Variants in URB2 observed in about 807,000 individuals in gnomAD.
URB2 encodes unhealthy ribosome biogenesis protein 2 homolog.
Under a neutral mutation model 120.9 loss-of-function variants are expected in URB2, and 86 were observed. That is an observed-to-expected ratio of 0.71 (90% CI 0.60 to 0.85). The LOEUF (loss-of-function observed/expected upper bound fraction) is 0.85. URB2 is among the 40% of genes least tolerant of loss of function. URB2 has a pLI of 0.00. For missense variants in URB2, 1,765 were observed against 1,836.5 expected (o/e 0.96, Z 0.71); for synonymous variants, 755 against 758.4 (o/e 1.00, Z 0.07).
intron 2 of URB2, among the ~76,000 whole-genome samples, chr1:229,629,781 C>T (rs1665615247): frequency 6.6e-6 from 1 of 152,190 alleles, no homozygotes; most frequent in Non-Finnish European, 1.5e-5. Flanking sequence ...AAAGACACAG[C>T]ATTTTACCCA....
At position 229,645,869 on chromosome 1, in the gene URB2, C is replaced by T; in HGVS notation, c.3806C>T (p.Ser1269Leu). Residue 1269 changes from serine (S) to leucine (L), a missense_variant, in exon 6 of 10, where the codon TCA becomes TTA. By Grantham distance (145) the Ser-to-Leu change is moderately radical (BLOSUM62 -2). Coordinates refer to ENST00000258243, the MANE Select transcript of URB2 (RefSeq NM_014777.4). ...TCTCTCTTGCCCCAGGCTGTTGTGT[C>T]AGCTGTTACACTGCTGAGGCTGCTA... Reference protein sequence around the residue: ...MWKADVQAVVSAVTLLRLLLN... With the variant: ...MWKADVQAVVLAVTLLRLLLN... The T allele has an allele frequency of 6.2e-7, 1 of 1,614,116 alleles. No individual in the cohort carries two copies. Among genetic ancestry groups the T allele is most frequent in the Non-Finnish European group, 8.5e-7 (1 of 1,180,006 alleles).
intron 2 of URB2, among the ~76,000 whole-genome samples, chr1:229,630,813 C>T (rs1490882528): frequency 6.6e-6 from 1 of 151,622 alleles, no homozygotes; most frequent in Non-Finnish European, 1.5e-5. Context: ...CATGGCGAAA[C>T]CCCTAAAAAT....
At chr1:229,656,480 G>T (rs992566225) in intron 9 of URB2, among the ~76,000 whole-genome samples, 3 of 152,178 alleles carry the variant, frequency 2.0e-5, no homozygotes, top group Admixed American at 6.5e-5. Flanking sequence ...AGAATCCACT[G>T]GCACCACAGT....
At chr1:229,639,895 T>G (rs1665959646) in intron 4 of URB2, among the ~76,000 whole-genome samples, 1 of 152,086 alleles carries the variant, frequency 6.6e-6, no homozygotes, top group South Asian at 2.1e-4. Flanking sequence ...GCCCCCCTGG[T>G]GAAAGGTTAA....
In URB2 at chr1:229,627,654, C is replaced by T. The variant is rs1362545948; in HGVS notation, c.21C>T (p.Gly7=). 21 of 1,612,542 alleles carry T rather than the reference C, an allele frequency of 1.3e-5. No homozygotes were observed. Among genetic ancestry groups the T allele is most frequent in the Non-Finnish European group, 1.8e-5 (21 of 1,179,450 alleles). MAAVYS[G]ISLKLKSKTT... The stretch of plus-strand genomic sequence containing the variant: ...TAGCCATGGCTGCTGTTTATTCTGG[C>T]ATTTCCCTTAAGCTTAAAAGCAAGA... Residue 7 remains glycine, a synonymous_variant, in exon 2 of 10, where the codon GGC becomes GGT. Transcript: ENST00000258243.
intron 9 of URB2, 42 bp downstream of exon 9, chr1:229,654,430 TG>T (rs1666359066): frequency 1.2e-6 from 2 of 1,612,214 alleles, no homozygotes. Flanking sequence ...ACTGTGTTTA[TG>T]GTCCTTAAGC....
rs1665853965 is a variant in URB2 at position 229,636,999 on chromosome 1, C to G, written c.2386C>G (p.Leu796Val). The G allele has an allele frequency of 6.2e-7, 1 of 1,614,068 alleles. No individual in the cohort carries two copies. The highest frequency in any genetic ancestry group is 1.3e-5 in the African/African-American group (1 of 75,064). Residue 796 changes from leucine (L) to valine (V), a missense_variant, in exon 4 of 10, where the codon CTT becomes GTT. Leu to Val is a conservative substitution (Grantham distance 32). Coordinates refer to ENST00000258243, the MANE Select transcript of URB2 (RefSeq NM_014777.4). Reference sequence around the variant, plus strand: ...ACTGGAAAAAATATCCAAAGCCTTCCTTCATAGCCCTCTCTTTCCAGAGAT... The same window carrying G: ...ACTGGAAAAAATATCCAAAGCCTTCGTTCATAGCCCTCTCTTTCCAGAGAT... Reference protein sequence around the residue: ...ITLEKISKAFLHSPLFPEMQS... With the variant: ...ITLEKISKAFVHSPLFPEMQS...
rs148414026 is a variant in URB2 at position 229,632,191 on chromosome 1, T to C, written c.127-78T>C. On this transcript the variant is annotated intron_variant, in intron 2 of 9. Coordinates refer to ENST00000258243, the MANE Select transcript of URB2 (RefSeq NM_014777.4). ...CGTGGCAATTGGATTTGCTTATACC[T>C]GTAATGTCCCTATAATGTCTAACAT... 1.5e-3 allele frequency: 1,705 copies of C among 1,161,168 alleles called. 28 individuals are homozygous for C. In the African/African-American group the frequency reaches 0.024, roughly 17 times the overall value. The allele number at this position is 1,161,168 out of a possible 1,614,324, so 71.9% of individuals were successfully genotyped here. A position where few individuals can be genotyped will look rare whatever the true frequency, so the allele number is the denominator to read the frequency against.
Position 229,636,438 on chromosome 1 carries a change from C to T in URB2, c.1825C>T (p.Leu609Phe), listed in dbSNP as rs756113264. The part of the protein sequence containing the change: ...LQKVSDSVLL[L>F]SYTWAQVDAM... The stretch of plus-strand genomic sequence containing the variant: ...GAAGGTCAGTGACTCTGTGCTCCTG[C>T]TCTCTTACACTTGGGCCCAGGTGGA... The change falls in exon 4 of 10, where the codon CTC (leucine) becomes TTC (phenylalanine). Residue 609 changes from leucine to phenylalanine, a missense_variant. Transcript: ENST00000258243. 2 of 1,614,250 alleles carry T rather than the reference C, an allele frequency of 1.2e-6. No homozygotes were observed. Among genetic ancestry groups the T allele is most frequent in the African/African-American group, 1.3e-5 (1 of 75,064 alleles).
intron 7 of URB2, among the ~76,000 whole-genome samples, chr1:229,650,680 C>G (rs764571748): frequency 6.6e-6 from 1 of 152,192 alleles, no homozygotes; most frequent in African/African-American, 2.4e-5. Flanking sequence ...ATCCGCCTGC[C>G]TCGGCCTCCC....
intron 2 of URB2, among the ~76,000 whole-genome samples, chr1:229,628,603 G>A (rs980320618): frequency 6.6e-6 from 1 of 152,154 alleles, no homozygotes; most frequent in African/African-American, 2.4e-5. Context: ...ACTGTTGGTT[G>A]GTGGTGCTTT....
intron 1 of URB2, among the ~76,000 whole-genome samples, chr1:229,626,988 A>G (rs895978422): frequency 6.6e-6 from 1 of 152,174 alleles, no homozygotes; most frequent in Non-Finnish European, 1.5e-5. Context: ...ACCCAGTTTA[A>G]TAGTAACTGT....
chr1:229,639,838 T>G (rs182675064), intron 4 of URB2, among the ~76,000 whole-genome samples: 5 of 152,286 alleles, frequency 3.3e-5, no homozygotes, highest in Admixed American at 2.6e-4. Context: ...GTACACAGCC[T>G]CGAAGCAAGA....
intron 8 of URB2, among the ~76,000 whole-genome samples, chr1:229,653,194 A>G (rs1031501701): frequency 1.1e-4 from 16 of 152,240 alleles, no homozygotes; most frequent in African/African-American, 3.4e-4. Flanking sequence ...ACATCATTTC[A>G]TACAATTACA....
At chr1:229,641,672 A>G (rs1666015389) in intron 4 of URB2, among the ~76,000 whole-genome samples, 1 of 152,184 alleles carries the variant, frequency 6.6e-6, no homozygotes. Context: ...TTTGTAAAGA[A>G]TGCCTTCTGA....
At chr1:229,630,946 C>T (rs1394627969) in intron 2 of URB2, among the ~76,000 whole-genome samples, 1 of 139,802 alleles carries the variant, frequency 7.2e-6, no homozygotes, top group Non-Finnish European at 1.5e-5. Context: ...CGCGCCATTC[C>T]ACTCCAGCCT....
intron 4 of URB2, 126 bp from the exon 5 acceptor site, chr1:229,643,407 A>G (rs1400058990): frequency 9.2e-6 from 10 of 1,086,346 alleles, no homozygotes; most frequent in Admixed American, 6.6e-5. Flanking sequence ...CAGTGCTTAT[A>G]TCACCATGCC....
In URB2 at chr1:229,636,318, C is replaced by T; in HGVS notation, c.1705C>T (p.Gln569Ter). The T allele has an allele frequency of 6.2e-7, 1 of 1,614,252 alleles. No individual in the cohort carries two copies. The highest frequency in any genetic ancestry group is 8.5e-7 in the Non-Finnish European group (1 of 1,180,034). ...STPLPIVRRT[Q>*]CMMERMMREL... ...GCCTCTGCCCATTGTCAGACGGACA[C>T]AGTGCATGATGGAGAGGATGATGAG... Residue 569 changes from glutamine to a stop codon, truncating the protein, a stop_gained, in exon 4 of 10, where the codon CAG becomes TAG. Transcript: ENST00000258243. LOFTEE classifies it high-confidence loss of function.
chr1:229,637,484 T>G lies in URB2; in HGVS notation c.2871T>G (p.Ser957Arg). 2 of 1,614,216 alleles carry G rather than the reference T, an allele frequency of 1.2e-6. No homozygotes were observed. The highest frequency in any genetic ancestry group is 1.7e-6 in the Non-Finnish European group (2 of 1,180,048). Residue 957 changes from serine (S) to arginine (R), a missense_variant, in exon 4 of 10, where the codon AGT becomes AGG. Ser to Arg is a moderately radical substitution (Grantham distance 110). Transcript: ENST00000258243. ...QLLGYLQKGK[S>R]ARSVFKIMYG... is the part of the protein sequence containing the mutation. ...TTGGTTACTTGCAAAAGGGGAAAAG[T>G]GCTCGCTCTGTGTTCAAGATCATGT...
Sources: gnomAD v4.1 joint callset for allele counts (sites outside exome capture counted in the v4.1 genomes callset) on GRCh38, gnomAD v4.1.1 for gene constraint, MANE v1.5 for transcripts, NCBI Gene and HGNC (gene_info 2026-07-23, HGNC 2026-07-21) for gene names.